The following FBXO7 variants were observed in gnomAD, a reference collection of about 807,000 sequenced individuals.
The protein encoded by FBXO7 is F-box only protein 7.
A neutral mutation model predicts 50.2 loss-of-function variants in FBXO7; 31 were observed. The ratio of observed to expected loss-of-function variants is 0.62; its 90% CI spans 0.46 to 0.83. The LOEUF (loss-of-function observed/expected upper bound fraction) is 0.83. FBXO7 is among the 40% of genes least tolerant of loss of function. The pLI is 0.00. For missense variants in FBXO7, 667 were observed against 646.6 expected (o/e 1.03, Z -0.34); for synonymous variants, 256 against 253.1 (o/e 1.01, Z -0.11).
At position 32,474,865 on chromosome 22, in the gene FBXO7, C is replaced by G. The variant is rs2145983357; in HGVS notation, c.-138C>G. ...GGCCACTGTGGCGGGGCTCTTTCCCCGTTTCGCCTCAGCTACCCCTCAGCT... is the reference window on the plus strand; with the variant it reads ...GGCCACTGTGGCGGGGCTCTTTCCCGGTTTCGCCTCAGCTACCCCTCAGCT... On this transcript the variant is annotated 5_prime_UTR_variant, in exon 1 of 9. Transcript: ENST00000266087. 1 of 821,686 alleles carries G rather than the reference C, an allele frequency of 1.2e-6. No homozygotes were observed. The highest frequency in any genetic ancestry group is 1.8e-6 in the Non-Finnish European group (1 of 550,356). 50.9% of individuals were successfully genotyped at this position (821,686 alleles called of 1,614,324 possible).
rs529678809 is a variant in FBXO7 at position 32,477,409 on chromosome 22, ATGTTT to A, written c.123-1567_123-1563del. The stretch of plus-strand genomic sequence containing the variant: ...TAAATGTTTTTAAAAATGTTTTATA[ATGTTT>A]TGTTATTGTTCCTCACCACTGTGTG... On this transcript the variant is annotated intron_variant, in intron 1 of 8. Coordinates refer to ENST00000266087, the MANE Select transcript of FBXO7 (RefSeq NM_012179.4). Among the ~76,000 whole-genome samples the A allele has an allele frequency of 5.7e-3, 867 of 152,306 alleles. 2 individuals are homozygous for A. The highest frequency in any genetic ancestry group is 0.02 in the African/African-American group (823 of 41,564).
chr22:32,495,025 T>A (rs1056038213), intron 7 of FBXO7, among the ~76,000 whole-genome samples: 3 of 152,254 alleles, frequency 2.0e-5, no homozygotes, highest in African/African-American at 7.2e-5. Flanking sequence ...GAGAAAGTAG[T>A]GTAACCAGAA....
chr22:32,475,144 G>T lies in FBXO7; in HGVS notation c.122+20G>T. On this transcript the variant is annotated intron_variant, in intron 1 of 8. Transcript: ENST00000266087. ...GTACAGGTACGCTGGGGCCGGGGCT[G>T]GGCGGCCCGCGGGGAGTGGGGAGTG... The T allele has an allele frequency of 6.5e-7, 1 of 1,537,602 alleles. No homozygotes were observed. Among genetic ancestry groups the T allele is most frequent in the South Asian group, 1.2e-5 (1 of 83,174 alleles).
Position 32,485,228 on chromosome 22 carries a change from C to T in FBXO7, c.787+19C>T. 1 of 1,613,974 alleles carries T rather than the reference C, an allele frequency of 6.2e-7. No individual in the cohort carries two copies. Among genetic ancestry groups the T allele is most frequent in the Non-Finnish European group, 8.5e-7 (1 of 1,179,926 alleles). On this transcript the variant is annotated intron_variant, in intron 4 of 8. Coordinates refer to ENST00000266087, the MANE Select transcript of FBXO7 (RefSeq NM_012179.4). ...GTAAATGGTAATTGGATAGCATAGT[C>T]ATGGTTGCTGGTTTATGGATTCTTA...
intron 1 of FBXO7, 96 bp downstream of exon 1, chr22:32,475,220 G>T (rs2057418659): frequency 5.3e-6 from 8 of 1,511,382 alleles, no homozygotes; most frequent in Middle Eastern, 2.3e-4. Flanking sequence ...TGCAGGCGCG[G>T]GCGTGGCCGG....
chr22:32,487,674 C>T (rs2057506994), intron 4 of FBXO7, 71 bp from the exon 5 acceptor site: 2 of 927,822 alleles, frequency 2.2e-6, no homozygotes, highest in East Asian at 5.1e-5. Context: ...AAATGCAAGC[C>T]CATACTAAAA....
At chr22:32,477,260 CAA>C (rs2057435048) in intron 1 of FBXO7, among the ~76,000 whole-genome samples, 1 of 152,108 alleles carries the variant, frequency 6.6e-6, no homozygotes, top group Admixed American at 6.5e-5. Context: ...GAAATAAAAA[CAA>C]GAATTATTTG....
chr22:32,483,052 T>C (rs1233179819), intron 2 of FBXO7, among the ~76,000 whole-genome samples: 4 of 152,194 alleles, frequency 2.6e-5, no homozygotes, highest in Non-Finnish European at 5.9e-5. Context: ...TGAAGGACTT[T>C]GTATGCTAAG....
At chr22:32,477,119 T>A (rs2057434046) in intron 1 of FBXO7, among the ~76,000 whole-genome samples, 1 of 152,226 alleles carries the variant, frequency 6.6e-6, no homozygotes. Context: ...CAACGTTTTG[T>A]TTATCAAAGC....
Position 32,474,934 on chromosome 22 carries a change from C to A in FBXO7, c.-69C>A. 2 of 1,442,326 alleles carry A rather than the reference C, an allele frequency of 1.4e-6. No individual in the cohort carries two copies. The highest frequency in any genetic ancestry group is 1.8e-6 in the Non-Finnish European group (2 of 1,088,752). The allele number at this position is 1,442,326 out of a possible 1,614,324, so 89.3% of individuals were successfully genotyped here. A position where few individuals can be genotyped will look rare whatever the true frequency, so the allele number is the denominator to read the frequency against. On this transcript the variant is annotated 5_prime_UTR_variant, in exon 1 of 9. It adds an upstream start codon to the 5' untranslated region. Transcript: ENST00000266087. The stretch of plus-strand genomic sequence containing the variant: ...GGGTCGTCGCCGTTTGGGGCGGGAG[C>A]TGCTCGGCCCCGCCGCCGTCCCCGT...
At chr22:32,490,469 C>G (rs1287896670) in intron 5 of FBXO7, 1 of 152,564 alleles carries the variant, frequency 6.6e-6, no homozygotes. Context: ...ATTGTCAGTT[C>G]TGGTGATCTG....
At chr22:32,496,706 T>C (rs555234220) in intron 8 of FBXO7, among the ~76,000 whole-genome samples, 1 of 152,314 alleles carries the variant, frequency 6.6e-6, no homozygotes, top group East Asian at 1.9e-4. Flanking sequence ...GATGGAGATG[T>C]TCAAGGAGAT....
intron 2 of FBXO7, among the ~76,000 whole-genome samples, chr22:32,480,706 C>T (rs941724884): frequency 1.8e-4 from 28 of 151,616 alleles, no homozygotes; most frequent in Non-Finnish European, 4.0e-4. Flanking sequence ...ATCCCACTCC[C>T]TCACCCAGGC....
intron 4 of FBXO7, among the ~76,000 whole-genome samples, chr22:32,486,639 C>T (rs559806843): frequency 6.6e-6 from 1 of 152,028 alleles, no homozygotes; most frequent in Non-Finnish European, 1.5e-5. Context: ...TGGCCTCTTA[C>T]GAAATTTCTA....
chr22:32,487,215 G>A (rs1415745612), intron 4 of FBXO7: 1 of 155,212 alleles, frequency 6.4e-6, no homozygotes, highest in East Asian at 1.9e-4. Context: ...CACATCACTG[G>A]GCTCTTTCAT....
intron 2 of FBXO7, 127 bp from the exon 3 acceptor site, chr22:32,483,770 A>G (rs1470034397): frequency 5.0e-6 from 4 of 803,666 alleles, no homozygotes; most frequent in Non-Finnish European, 8.4e-6. Context: ...ACTCACTTAA[A>G]ATGTCTCCCA....
chr22:32,498,019 G>T, intron 8 of FBXO7, 125 bp from the exon 9 acceptor site: 1 of 1,090,572 alleles, frequency 9.2e-7, no homozygotes, highest in Non-Finnish European at 1.3e-6. Context: ...CATTGGTTTG[G>T]GACTAAATCC....
intron 8 of FBXO7, among the ~76,000 whole-genome samples, chr22:32,495,875 TAC>T (rs2057571062): frequency 1.3e-5 from 2 of 152,322 alleles, no homozygotes; most frequent in South Asian, 4.1e-4. Context: ...TTTCATAAGG[TAC>T]TATTCTAATG....
intron 8 of FBXO7, among the ~76,000 whole-genome samples, chr22:32,496,791 T>TCTTAG (rs1601519437): frequency 6.6e-6 from 1 of 152,102 alleles, no homozygotes; most frequent in East Asian, 1.9e-4. Context: ...TTGAATCTTA[T>TCTTAG]TATTTAAGAA....
Sources: gnomAD v4.1 joint callset for allele counts (sites outside exome capture counted in the v4.1 genomes callset) on GRCh38, gnomAD v4.1.1 for gene constraint, MANE v1.5 for transcripts, NCBI Gene and HGNC (gene_info 2026-07-23, HGNC 2026-07-21) for gene names.